The following ADRA1B variants were observed in gnomAD, a reference collection of about 807,000 sequenced individuals.
The protein encoded by ADRA1B is alpha-1B adrenergic receptor.
A neutral mutation model predicts 17.9 loss-of-function variants in ADRA1B; 17 were observed. The ratio of observed to expected loss-of-function variants is 0.95; its 90% CI spans 0.65 to 1.42. The LOEUF is 1.42. Ranked by LOEUF, ADRA1B falls within the 40% of genes most tolerant of loss-of-function variation. The pLI, the probability that ADRA1B is intolerant of heterozygous loss-of-function variation, is 0.00. For synonymous variants in ADRA1B, 366 were observed against 327.6 expected (o/e 1.12, Z -1.27); for missense variants, 681 against 722.1 (o/e 0.94, Z 0.65).
chr5:159,988,970 A>T, the ADRA1B span, among the ~76,000 whole-genome samples: 10 of 152,204 alleles, frequency 6.6e-5, no homozygotes, highest in African/African-American at 1.4e-4. Context: ...TGCTATGAGG[A>T]TGGGCATATA....
At chr5:159,880,132 C>T (rs1753848408) in intron 1 of ADRA1B, among the ~76,000 whole-genome samples, 1 of 152,186 alleles carries the variant, frequency 6.6e-6, no homozygotes, top group Non-Finnish European at 1.5e-5. Flanking sequence ...TTTATGAAGG[C>T]CCTTTTTGGG....
chr5:159,906,724 A>G (rs563564802), intron 1 of ADRA1B, among the ~76,000 whole-genome samples: 1 of 152,328 alleles, frequency 6.6e-6, no homozygotes, highest in Admixed American at 6.5e-5. Context: ...GCAGTTCCCT[A>G]GACTGAACAA....
At chr5:159,868,133 T>C (rs1398115717) in intron 1 of ADRA1B, 1 of 152,156 alleles carries the variant, frequency 6.6e-6, no homozygotes, top group Non-Finnish European at 1.5e-5. Flanking sequence ...TGTAAACACC[T>C]ACCACATAGG....
At chr5:159,935,866 T>G (rs1465581370) in intron 1 of ADRA1B, among the ~76,000 whole-genome samples, 1 of 152,210 alleles carries the variant, frequency 6.6e-6, no homozygotes, top group Non-Finnish European at 1.5e-5. Flanking sequence ...CATTCTTAAA[T>G]GTATACTCTT....
rs371023482 is a variant in ADRA1B at position 159,917,181 on chromosome 5, G to A, written c.276G>A (p.Leu92=). Residue 92 remains leucine, a synonymous_variant, in exon 1 of 2, where the codon CTG becomes CTA. Coordinates refer to ENST00000306675, the MANE Select transcript of ADRA1B (RefSeq NM_000679.4). ...YFIVNLAMAD[L]LLSFTVLPFS... ...TTGTCAACCTGGCCATGGCCGACCT[G>A]CTGTTGAGCTTCACCGTCCTGCCCT... 3 of 1,614,082 alleles carry A rather than the reference G, an allele frequency of 1.9e-6. No homozygotes were observed. Among genetic ancestry groups the A allele is most frequent in the African/African-American group, 2.7e-5 (2 of 74,948 alleles).
At chr5:159,950,639 T>C (rs1406657639) in intron 1 of ADRA1B, 9 of 814,938 alleles carry the variant, frequency 1.1e-5, no homozygotes, top group Non-Finnish European at 2.0e-5. Context: ...TGGGTGTCTC[T>C]GTTGAAGTCA....
chr5:159,874,555 C>T (rs543730978), intron 1 of ADRA1B, among the ~76,000 whole-genome samples: 1 of 152,312 alleles, frequency 6.6e-6, no homozygotes, highest in East Asian at 1.9e-4. Flanking sequence ...CATCAAGGGG[C>T]ATCATTGGGC....
chr5:159,914,695 AAAAAAT>A (rs916708098), upstream of ADRA1B, among the ~76,000 whole-genome samples: 3 of 152,130 alleles, frequency 2.0e-5, no homozygotes, highest in African/African-American at 4.8e-5. Context: ...CTCCCTTCTC[AAAAAAT>A]AAAAATAAAA....
At chr5:159,870,590 T>A (rs913553191) in intron 1 of ADRA1B, 1 of 151,850 alleles carries the variant, frequency 6.6e-6, no homozygotes, top group Non-Finnish European at 1.5e-5. Flanking sequence ...TACATGGGAG[T>A]GATGGAGGGA....
chr5:159,964,657 C>T (rs1755741373), intron 1 of ADRA1B, among the ~76,000 whole-genome samples: 1 of 152,144 alleles, frequency 6.6e-6, no homozygotes, highest in South Asian at 2.1e-4. Flanking sequence ...TGGACCCTAA[C>T]CAAGAAAATA....
intron 1 of ADRA1B, among the ~76,000 whole-genome samples, chr5:159,920,423 C>T (rs1031354119): frequency 3.3e-5 from 5 of 152,190 alleles, no homozygotes; most frequent in African/African-American, 1.2e-4. Context: ...CTTTGTCCCC[C>T]TAGCATCTCA....
chr5:159,983,118 C>T, the ADRA1B span, among the ~76,000 whole-genome samples: 1 of 152,172 alleles, frequency 6.6e-6, no homozygotes, highest in East Asian at 1.9e-4. Flanking sequence ...CACCTTCCTT[C>T]CCCTTCAACC....
intron 1 of ADRA1B, among the ~76,000 whole-genome samples, chr5:159,875,841 T>C (rs547774842): frequency 2.1e-4 from 32 of 152,204 alleles, no homozygotes; most frequent in Non-Finnish European, 4.4e-4. Context: ...TTCCCTGATA[T>C]ATTTGTTCAG....
intron 1 of ADRA1B, among the ~76,000 whole-genome samples, chr5:159,939,354 T>G (rs1275840220): frequency 6.7e-6 from 1 of 149,012 alleles, no homozygotes; most frequent in African/African-American, 2.5e-5. Flanking sequence ...GCACTGAGGA[T>G]AGTTCAGCCC....
At chr5:159,934,976 T>G (rs1357917224) in intron 1 of ADRA1B, among the ~76,000 whole-genome samples, 2 of 152,148 alleles carry the variant, frequency 1.3e-5, no homozygotes, top group Non-Finnish European at 2.9e-5. Flanking sequence ...TGAAAGGGAC[T>G]CAGCTGGGTG....
At chr5:159,913,551 T>C (rs892978515), upstream of ADRA1B, among the ~76,000 whole-genome samples, 3 of 152,252 alleles carry the variant, frequency 2.0e-5, no homozygotes, top group African/African-American at 7.2e-5. Context: ...TCTGGCTCAA[T>C]AATTTCTTCC....
the ADRA1B span, among the ~76,000 whole-genome samples, chr5:159,982,710 T>C: frequency 6.6e-6 from 1 of 152,146 alleles, no homozygotes; most frequent in Non-Finnish European, 1.5e-5. Flanking sequence ...CACCTACCTC[T>C]ATCCTCTTTC....
intron 1 of ADRA1B, among the ~76,000 whole-genome samples, chr5:159,906,395 C>T (rs570674777): frequency 6.6e-6 from 1 of 152,304 alleles, no homozygotes; most frequent in South Asian, 2.1e-4. Context: ...TACAGATGAC[C>T]TCCATTGGAT....
At chr5:159,929,513 C>G (rs1581042279) in intron 1 of ADRA1B, among the ~76,000 whole-genome samples, 1 of 150,840 alleles carries the variant, frequency 6.6e-6, no homozygotes, top group African/African-American at 2.4e-5. Context: ...CCCTCTAACT[C>G]CAGAATAAAA....
Sources: allele counts gnomAD v4.1 joint callset (sites outside exome capture counted in the v4.1 genomes callset), GRCh38; gene constraint gnomAD v4.1.1; transcripts MANE v1.5; gene names NCBI Gene and HGNC (gene_info 2026-07-23, HGNC 2026-07-21).